PCDHA5: variants seen among roughly 807,000 people sequenced by gnomAD.
PCDHA5 encodes protocadherin alpha-5.
Under a neutral mutation model 61.6 loss-of-function variants are expected in PCDHA5, and 43 were observed. That is an observed-to-expected ratio of 0.70 (90% CI 0.55 to 0.90). The LOEUF (loss-of-function observed/expected upper bound fraction) is 0.90, where lower values mean the gene tolerates loss of function less well. PCDHA5 is among the 40% of genes least tolerant of loss of function. PCDHA5 has a pLI of 0.00. For missense variants in PCDHA5, 1,298 were observed against 1,222.7 expected, an observed-to-expected ratio of 1.06 and a Z score of -0.92; for synonymous variants, 627 against 543.9, an observed-to-expected ratio of 1.15 and a Z score of -2.13.
At chr5:140,942,332 C>T (rs2093271266) in intron 1 of PCDHA5, among the ~76,000 whole-genome samples, 1 of 151,760 alleles carries the variant, frequency 6.6e-6, no homozygotes, top group Non-Finnish European at 1.5e-5. Flanking sequence ...ATCACTTGAA[C>T]CAGAGGGAGG....
intron 1 of PCDHA5, among the ~76,000 whole-genome samples, chr5:140,942,069 A>G (rs1384507706): frequency 1.3e-5 from 2 of 152,234 alleles, no homozygotes; most frequent in Non-Finnish European, 2.9e-5. Flanking sequence ...TAATTGAGCC[A>G]AGAGAGCACA....
chr5:140,968,405 G>C (rs2096244938), intron 1 of PCDHA5: 7 of 1,614,002 alleles, frequency 4.3e-6, no homozygotes, highest in Non-Finnish European at 5.9e-6. Flanking sequence ...GGAGTTCTTT[G>C]TGACTGTGGA....
chr5:140,972,621 G>T (rs1278363112), intron 1 of PCDHA5, among the ~76,000 whole-genome samples: 1 of 148,458 alleles, frequency 6.7e-6, no homozygotes, highest in South Asian at 2.1e-4. Flanking sequence ...ACTGAATGTT[G>T]TTGGCACTCC....
At chr5:140,936,184 C>T (rs572832347) in intron 1 of PCDHA5, among the ~76,000 whole-genome samples, 4 of 152,308 alleles carry the variant, frequency 2.6e-5, no homozygotes, top group African/African-American at 4.8e-5. Context: ...TAAACCACCA[C>T]GCCCAGCCAA....
intron 1 of PCDHA5, chr5:140,884,122 G>C: frequency 1.2e-6 from 2 of 1,613,306 alleles, no homozygotes. Flanking sequence ...CGGTCGGCGC[G>C]CGCATCCCGT....
At chr5:140,841,890 A>G in intron 1 of PCDHA5, 1 of 1,613,830 alleles carries the variant, frequency 6.2e-7, no homozygotes, top group Non-Finnish European at 8.5e-7. Flanking sequence ...GATGAGAATA[A>G]ACTGGTTGAG....
At chr5:141,008,126 G>A (rs2098361949) in intron 3 of PCDHA5, among the ~76,000 whole-genome samples, 1 of 152,178 alleles carries the variant, frequency 6.6e-6, no homozygotes, top group African/African-American at 2.4e-5. Context: ...TCAAGAAGGG[G>A]ATGACAAATG....
In PCDHA5 at chr5:140,876,439, A is replaced by G; in HGVS notation, c.2352+52312A>G. 4 of 1,613,988 alleles carry G rather than the reference A, an allele frequency of 2.5e-6. No individual in the cohort carries two copies. The East Asian group carries it at 8.9e-5, about 36-fold the overall frequency. ...TGCCTATGAAATTCAGGTTAACGCC[A>G]TTGATAAAGGGATTCCTTCCATGGC... is the stretch of plus-strand genomic sequence containing the variant. On this transcript the variant is annotated intron_variant, in intron 1 of 3. Transcript: ENST00000529859.
intron 3 of PCDHA5, among the ~76,000 whole-genome samples, chr5:140,990,479 G>A (rs1227837227): frequency 3.3e-5 from 5 of 152,184 alleles, no homozygotes; most frequent in Non-Finnish European, 5.9e-5. Context: ...GTATCAAGCT[G>A]AATAGTGAGG....
chr5:140,841,148 C>T, intron 1 of PCDHA5: 1 of 776,052 alleles, frequency 1.3e-6, no homozygotes, highest in Non-Finnish European at 2.0e-6. Context: ...CATGATGTCG[C>T]TGTCTACCAA....
chr5:140,933,388 G>A lies in PCDHA5; in HGVS notation c.2353-45561G>A, dbSNP rs142801424. On this transcript the variant is annotated intron_variant, in intron 1 of 3. Transcript: ENST00000529859. Reference sequence around the variant, plus strand: ...CCCAAATTCCTTGGCTGTTCCTAGAGCCATCTGGTTACCATCTACAGATAT... The same window carrying A: ...CCCAAATTCCTTGGCTGTTCCTAGAACCATCTGGTTACCATCTACAGATAT... Among the ~76,000 whole-genome samples the A allele has an allele frequency of 5.4e-3, 828 of 152,024 alleles. 4 individuals carry two copies. The highest frequency in any genetic ancestry group is 0.019 in the African/African-American group (797 of 41,508).
At chr5:140,951,047 A>T (rs2094543631) in intron 1 of PCDHA5, among the ~76,000 whole-genome samples, 1 of 151,878 alleles carries the variant, frequency 6.6e-6, no homozygotes, top group Non-Finnish European at 1.5e-5. Flanking sequence ...TTATATTTTT[A>T]TTGCTAAAAT....
intron 1 of PCDHA5, chr5:140,926,824 A>T: frequency 1.3e-6 from 2 of 1,496,944 alleles, no homozygotes; most frequent in Non-Finnish European, 1.8e-6. Context: ...GCTCTCCAGG[A>T]GTCCGGAGCA....
At chr5:140,869,211 G>T (rs375218342) in intron 1 of PCDHA5, 2 of 1,613,956 alleles carry the variant, frequency 1.2e-6, no homozygotes, top group Non-Finnish European at 1.7e-6. Context: ...ACTCCGTCTC[G>T]GAGGAGGCCA....
At chr5:140,843,257 C>T (rs146582216) in intron 1 of PCDHA5, 1 of 1,595,938 alleles carries the variant, frequency 6.3e-7, no homozygotes, top group African/African-American at 1.3e-5. Flanking sequence ...TCCGCGCCAC[C>T]GTCTGCTGGT....
At chr5:140,861,448 AC>A in intron 1 of PCDHA5, 2 of 493,166 alleles carry the variant, frequency 4.1e-6, no homozygotes, top group Non-Finnish European at 8.3e-6. Context: ...AGCCGCAGAA[AC>A]CTTCTGGAGG....
At chr5:140,986,668 A>C (rs927109652) in intron 3 of PCDHA5, among the ~76,000 whole-genome samples, 15 of 152,192 alleles carry the variant, frequency 9.9e-5, no homozygotes, top group African/African-American at 3.6e-4. Context: ...CACAGTTTTC[A>C]GAAGAGTTCA....
At chr5:140,844,453 C>T (rs1452241460) in intron 1 of PCDHA5, among the ~76,000 whole-genome samples, 5 of 148,746 alleles carry the variant, frequency 3.4e-5, no homozygotes, top group Non-Finnish European at 7.5e-5. Context: ...TGTATTGTCG[C>T]CAACTTAACA....
chr5:140,924,915 AT>A (rs1554202358), intron 1 of PCDHA5, among the ~76,000 whole-genome samples: 19 of 127,348 alleles, frequency 1.5e-4, no homozygotes, highest in African/African-American at 5.1e-4. Context: ...ATAAAATAAA[AT>A]AAAATAAAAT....
Sources: allele counts gnomAD v4.1 joint callset (sites outside exome capture counted in the v4.1 genomes callset), GRCh38; gene constraint gnomAD v4.1.1; transcripts MANE v1.5; gene names NCBI Gene and HGNC (gene_info 2026-07-23, HGNC 2026-07-21).